STARD13: variants seen among roughly 807,000 people sequenced by gnomAD.
The protein encoded by STARD13 is stAR-related lipid transfer protein 13.
STARD13 carries 62 observed loss-of-function variants against 106.4 expected under a neutral mutation model. That is an observed-to-expected ratio of 0.58 (90% CI 0.48 to 0.72). The LOEUF (loss-of-function observed/expected upper bound fraction) is 0.72. STARD13 is among the 30% of genes least tolerant of loss of function. The pLI is 0.00. For synonymous variants in STARD13, 565 were observed against 553.0 expected (o/e 1.02, Z -0.31); for missense variants, 1,387 against 1,424.0 (o/e 0.97, Z 0.42).
chr13:33,315,209 T>A (rs1168080972), intron 1 of STARD13, among the ~76,000 whole-genome samples: 1 of 152,220 alleles, frequency 6.6e-6, no homozygotes, highest in Non-Finnish European at 1.5e-5. Flanking sequence ...AGCACAAATG[T>A]GAAGTAAAAA....
the STARD13 span, among the ~76,000 whole-genome samples, chr13:33,668,240 T>C: frequency 6.6e-6 from 1 of 152,232 alleles, no homozygotes; most frequent in Non-Finnish European, 1.5e-5. Flanking sequence ...ACCTAATTGT[T>C]TCAAATATCT....
At chr13:33,253,257 T>G (rs1397928443) in intron 1 of STARD13, among the ~76,000 whole-genome samples, 2 of 152,218 alleles carry the variant, frequency 1.3e-5, no homozygotes, top group Non-Finnish European at 2.9e-5. Context: ...AGGTGCTGTA[T>G]TCCTCCTTTG....
the STARD13 span, among the ~76,000 whole-genome samples, chr13:33,620,936 T>A: frequency 6.6e-6 from 1 of 151,768 alleles, no homozygotes; most frequent in East Asian, 1.9e-4. Context: ...ATATTTTGAA[T>A]TAAGTAATAA....
chr13:33,408,531 C>T, the STARD13 span, among the ~76,000 whole-genome samples: 2 of 152,166 alleles, frequency 1.3e-5, no homozygotes, highest in African/African-American at 2.4e-5. Flanking sequence ...GTATACACCA[C>T]ATTTTCCTTA....
At chr13:33,645,890 G>C in the STARD13 span, among the ~76,000 whole-genome samples, 1 of 152,050 alleles carries the variant, frequency 6.6e-6, no homozygotes, top group African/African-American at 2.4e-5. Flanking sequence ...TATCACCAAG[G>C]GGATTTCCCT....
the STARD13 span, among the ~76,000 whole-genome samples, chr13:33,601,550 T>G: frequency 6.6e-6 from 1 of 152,184 alleles, no homozygotes; most frequent in Non-Finnish European, 1.5e-5. Context: ...AGGCTTTCTT[T>G]GAAGAAAATG....
chr13:33,163,767 A>G (rs1380706608), intron 3 of STARD13, among the ~76,000 whole-genome samples: 1 of 145,776 alleles, frequency 6.9e-6, no homozygotes, highest in Non-Finnish European at 1.5e-5. Context: ...TAACATATAT[A>G]TATGTTATAC....
chr13:33,481,948 A>G, the STARD13 span, among the ~76,000 whole-genome samples: 18 of 150,242 alleles, frequency 1.2e-4, no homozygotes, highest in African/African-American at 4.4e-4. Flanking sequence ...GCGCCACTAC[A>G]CTCCAGCCTG....
rs201806046 is a variant in STARD13, at chr13:33,262,641, C to CA, written c.169+22828_169+22829insT. ...TCCCTCCCACACCACACCCAGAACC[C>CA]CCCCCCCCACACACACACACAACAC... is the stretch of plus-strand genomic sequence containing the variant. On this transcript the variant is annotated intron_variant, in intron 1 of 13. Transcript: ENST00000336934. Among the ~76,000 whole-genome samples, 113 of 134,678 alleles carry CA rather than the reference C, an allele frequency of 8.4e-4. 2 individuals are homozygous for CA. The highest frequency in any genetic ancestry group is 1.4e-3 in the African/African-American group (48 of 34,312). 88.4% of individuals were successfully genotyped at this position (134,678 alleles called of 152,430 possible). A position where few individuals can be genotyped will look rare whatever the true frequency, so the allele number is the denominator to read the frequency against.
chr13:33,132,415 CTCTT>C (rs760836682), intron 4 of STARD13, among the ~76,000 whole-genome samples: 5 of 152,204 alleles, frequency 3.3e-5, no homozygotes, highest in African/African-American at 4.8e-5. Flanking sequence ...TTGCTTGGCT[CTCTT>C]TCTCTCTTGT....
chr13:33,177,232 T>C (rs1884611604), intron 1 of STARD13, among the ~76,000 whole-genome samples: 1 of 152,238 alleles, frequency 6.6e-6, no homozygotes, highest in Admixed American at 6.5e-5. Context: ...AAAGATCATT[T>C]TCTGTAAGAA....
At chr13:33,401,363 C>G in the STARD13 span, among the ~76,000 whole-genome samples, 1 of 152,112 alleles carries the variant, frequency 6.6e-6, no homozygotes, top group Non-Finnish European at 1.5e-5. Flanking sequence ...GACTATTGGC[C>G]CCAGCTGCCA....
At chr13:33,111,217 C>T (rs1189562242) in intron 10 of STARD13, among the ~76,000 whole-genome samples, 1 of 152,186 alleles carries the variant, frequency 6.6e-6, no homozygotes, top group African/African-American at 2.4e-5. Flanking sequence ...TGGGCTCAGA[C>T]AACTTTACCC....
At chr13:33,412,222 G>T in the STARD13 span, among the ~76,000 whole-genome samples, 2 of 152,084 alleles carry the variant, frequency 1.3e-5, no homozygotes, top group Non-Finnish European at 2.9e-5. Flanking sequence ...GGAAGTACAG[G>T]AAGATAAGTG....
chr13:33,397,740 C>T, the STARD13 span, among the ~76,000 whole-genome samples: 17 of 152,236 alleles, frequency 1.1e-4, no homozygotes, highest in Admixed American at 9.2e-4. Flanking sequence ...AATAAAATGC[C>T]ATAGACTGGG....
At chr13:33,218,756 C>A (rs1445122591) in intron 1 of STARD13, among the ~76,000 whole-genome samples, 1 of 152,164 alleles carries the variant, frequency 6.6e-6, no homozygotes, top group Admixed American at 6.5e-5. Context: ...ACATATCTTT[C>A]ATTCAGTTGT....
At chr13:33,200,445 A>G (rs1886937169) in intron 1 of STARD13, among the ~76,000 whole-genome samples, 1 of 152,184 alleles carries the variant, frequency 6.6e-6, no homozygotes, top group Admixed American at 6.5e-5. Context: ...GACCACTTCA[A>G]GGTACTCTCC....
chr13:33,155,344 T>G (rs1320545806), intron 3 of STARD13: 1 of 152,194 alleles, frequency 6.6e-6, no homozygotes, highest in Admixed American at 6.5e-5. Context: ...TTATGAAAAT[T>G]AAGTGAGATC....
the STARD13 span, among the ~76,000 whole-genome samples, chr13:33,501,455 T>C: frequency 6.6e-6 from 1 of 152,172 alleles, no homozygotes; most frequent in East Asian, 1.9e-4. Flanking sequence ...ATGAAATCCT[T>C]GCCTATGCCT....
Sources: gnomAD v4.1 joint callset for allele counts (sites outside exome capture counted in the v4.1 genomes callset) on GRCh38, gnomAD v4.1.1 for gene constraint, MANE v1.5 for transcripts, NCBI Gene and HGNC (gene_info 2026-07-23, HGNC 2026-07-21) for gene names.